NSG2: variants seen among roughly 807,000 people sequenced by gnomAD.
The protein encoded by NSG2 is neuronal vesicle trafficking-associated protein 2.
A neutral mutation model predicts 16.9 loss-of-function variants in NSG2; 4 were observed. That is an observed-to-expected ratio of 0.24 (90% CI 0.12 to 0.54). NSG2 has a LOEUF of 0.54. Ranked by LOEUF, NSG2 falls within the 20% of genes least tolerant of loss-of-function variation. The pLI, the probability that NSG2 is intolerant of heterozygous loss-of-function variation, is 0.95. For synonymous variants in NSG2, 98 were observed against 88.7 expected, an observed-to-expected ratio of 1.11 and a Z score of -0.59; for missense variants, 179 against 221.1, an observed-to-expected ratio of 0.81 and a Z score of 1.21.
chr5:174,094,014 A>C (rs1345348304), intron 3 of NSG2, among the ~76,000 whole-genome samples: 1 of 152,232 alleles, frequency 6.6e-6, no homozygotes, highest in African/African-American at 2.4e-5. Context: ...TACAGTATGC[A>C]TCGTGCATGG....
chr5:174,057,072 T>G (rs1759977602), intron 2 of NSG2, among the ~76,000 whole-genome samples: 1 of 152,154 alleles, frequency 6.6e-6, no homozygotes, highest in Admixed American at 6.5e-5. Context: ...GAAAACAAAG[T>G]TATTTCTTTG....
chr5:174,084,198 ATTG>A (rs1397461657), intron 3 of NSG2: 2 of 152,178 alleles, frequency 1.3e-5, no homozygotes, highest in Admixed American at 1.3e-4. Flanking sequence ...TGATCACAAT[ATTG>A]TTGTGGAGAA....
intron 4 of NSG2, among the ~76,000 whole-genome samples, chr5:174,105,891 ACT>A (rs1025957183): frequency 3.9e-5 from 6 of 152,086 alleles, no homozygotes; most frequent in African/African-American, 9.6e-5. Context: ...ACAGAGCGAG[ACT>A]CTGTCTCAAA....
intron 3 of NSG2, among the ~76,000 whole-genome samples, chr5:174,079,265 T>C (rs374789144): frequency 9.6e-5 from 12 of 125,654 alleles, no homozygotes; most frequent in Non-Finnish European, 8.3e-5. Flanking sequence ...CTCTCTCTCT[T>C]TTTTTTTTTT....
rs1385310 is a variant in NSG2 at position 174,088,319 on chromosome 5, G to T, written c.214-15909G>T. 2.6e-5 allele frequency among the ~76,000 whole-genome samples: 4 copies of T among 152,260 alleles called. No homozygotes were observed. In the South Asian group the frequency reaches 8.3e-4, roughly 32 times the overall value. On this transcript the variant is annotated intron_variant, in intron 3 of 4. Coordinates refer to ENST00000303177, the MANE Select transcript of NSG2 (RefSeq NM_015980.5). ...GGGAGAAGCTGCAGGCGGAGAGTCC[G>T]TCTGTCCCCAGAGGCTATACTGGCT...
At chr5:174,099,786 T>C (rs1760870856) in intron 3 of NSG2, among the ~76,000 whole-genome samples, 1 of 152,154 alleles carries the variant, frequency 6.6e-6, no homozygotes, top group African/African-American at 2.4e-5. Flanking sequence ...AAGTCACTTA[T>C]GATGTCACAT....
chr5:174,102,941 C>CTT (rs143473714), intron 3 of NSG2, among the ~76,000 whole-genome samples: 5,978 of 111,638 alleles, frequency 0.054, 334 homozygotes, highest in African/African-American at 0.12. Context: ...ACCACCCTGG[C>CTT]TTTTTTTTTT....
intron 3 of NSG2, among the ~76,000 whole-genome samples, chr5:174,081,815 G>A (rs1291012890): frequency 1.3e-5 from 2 of 150,254 alleles, no homozygotes; most frequent in African/African-American, 2.5e-5. Context: ...GCATGAACCC[G>A]GGAGGCAGAG....
chr5:174,097,557 CTGTGTGTGTAACTGTGTGTGTGTCTGTG>C (rs1760819313), intron 3 of NSG2, among the ~76,000 whole-genome samples: 2 of 147,692 alleles, frequency 1.4e-5, no homozygotes, highest in Non-Finnish European at 3.0e-5. Context: ...CTGTATGTCT[CTGTGTGTGTAACTGTGTGTGTGTCTGTG>C]TGTGTGTAAC....
Position 174,064,279 on chromosome 5 carries a change from A to T in NSG2, c.177A>T (p.Lys59Asn). Reference sequence around the variant, plus strand: ...AATATCAGCCGGAACAGAAGAACAAAGGGAAGTTCCGGGTGCCGAAAATCG... The same window carrying T: ...AATATCAGCCGGAACAGAAGAACAATGGGAAGTTCCGGGTGCCGAAAATCG... ...RTEYQPEQKN[K>N]GKFRVPKIAE... The change falls in exon 3 of 5, where the codon AAA (lysine) becomes AAT (asparagine). Residue 59 changes from lysine to asparagine, a missense_variant. Transcript: ENST00000303177. 6.2e-7 allele frequency: 1 copy of T among 1,612,278 alleles called. No individual in the cohort carries two copies. The highest frequency in any genetic ancestry group is 8.5e-7 in the Non-Finnish European group (1 of 1,178,826).
chr5:174,103,494 G>A (rs1268576994), intron 3 of NSG2, among the ~76,000 whole-genome samples: 4 of 152,088 alleles, frequency 2.6e-5, no homozygotes, highest in Admixed American at 6.5e-5. Context: ...AAGTAGAGGC[G>A]AAAGAAGCAG....
chr5:174,090,112 C>A (rs183686540), intron 3 of NSG2, among the ~76,000 whole-genome samples: 2 of 152,200 alleles, frequency 1.3e-5, no homozygotes, highest in East Asian at 1.9e-4. Flanking sequence ...GCTGTGTTGA[C>A]GGTCCCCAAG....
intron 3 of NSG2, among the ~76,000 whole-genome samples, chr5:174,078,902 C>G (rs1233457675): frequency 1.3e-5 from 2 of 152,080 alleles, no homozygotes; most frequent in Non-Finnish European, 2.9e-5. Context: ...GCTATCCAGT[C>G]TATGGTATTT....
chr5:174,065,838 A>C (rs1173611369), intron 3 of NSG2, among the ~76,000 whole-genome samples: 1 of 152,226 alleles, frequency 6.6e-6, no homozygotes, highest in Non-Finnish European at 1.5e-5. Flanking sequence ...ACTAAGCCTC[A>C]CTTATCAAAT....
At chr5:174,069,262 G>T (rs1055786217) in intron 3 of NSG2, among the ~76,000 whole-genome samples, 4 of 151,928 alleles carry the variant, frequency 2.6e-5, no homozygotes, top group Admixed American at 6.6e-5. Flanking sequence ...TCTGAAGGTT[G>T]TTGGTGCTAT....
intron 2 of NSG2, among the ~76,000 whole-genome samples, chr5:174,055,461 G>A (rs990294669): frequency 6.6e-6 from 1 of 152,084 alleles, no homozygotes; most frequent in Non-Finnish European, 1.5e-5. Context: ...AGCTGGGCGT[G>A]GTGGCAGGTG....
chr5:174,107,169 G>C lies in NSG2; in HGVS notation c.325-145G>C. The C allele has an allele frequency of 1.7e-6, 1 of 601,998 alleles. No individual in the cohort carries two copies. Among genetic ancestry groups the C allele is most frequent in the East Asian group, 2.9e-5 (1 of 34,418 alleles). 37.3% of individuals were successfully genotyped at this position (601,998 alleles called of 1,614,324 possible). Reference sequence around the variant, plus strand: ...TGGTGCTGGTGTTGGGAAGGCTGCTGCGTGCCAGGCCCAGGTCAGGAGCTG... The same window carrying C: ...TGGTGCTGGTGTTGGGAAGGCTGCTCCGTGCCAGGCCCAGGTCAGGAGCTG... On this transcript the variant is annotated intron_variant, in intron 4 of 4. Coordinates refer to ENST00000303177, the MANE Select transcript of NSG2 (RefSeq NM_015980.5). This position sits in a 1 kb window ranked among gnomAD's most constrained non-coding sequence, Gnocchi z 4.5.
chr5:174,084,241 G>T (rs905248245), intron 3 of NSG2: 5 of 152,194 alleles, frequency 3.3e-5, no homozygotes, highest in African/African-American at 1.2e-4. Flanking sequence ...GCAGAATTGG[G>T]CACAGTGTGA....
rs143473714 is a variant in NSG2 at position 174,102,941 on chromosome 5, C to CTTTT, written c.214-1271_214-1268dup. 1.4e-3 allele frequency among the ~76,000 whole-genome samples: 153 copies of CTTTT among 111,692 alleles called. 1 individual carries two copies. The highest frequency in any genetic ancestry group is 3.3e-3 in the African/African-American group (87 of 26,390). The allele number at this position is 111,692 out of a possible 152,430, so 73.3% of individuals were successfully genotyped here. On this transcript the variant is annotated intron_variant, in intron 3 of 4. Coordinates refer to ENST00000303177, the MANE Select transcript of NSG2 (RefSeq NM_015980.5). ...TCACAGGTGCCTGCCACCACCCTGG[C>CTTTT]TTTTTTTTTTTTTTTTTTTGTATTT...
Sources: allele counts gnomAD v4.1 joint callset (sites outside exome capture counted in the v4.1 genomes callset), GRCh38; gene constraint gnomAD v4.1.1; non-coding constraint Gnocchi (gnomAD v3.1); transcripts MANE v1.5; gene names NCBI Gene and HGNC (gene_info 2026-07-23, HGNC 2026-07-21).